The following SLC43A2 variants were observed in gnomAD, a reference collection of about 807,000 sequenced individuals.
The protein encoded by SLC43A2 is solute carrier family 43 member 2.
A neutral mutation model predicts 63.2 loss-of-function variants in SLC43A2; 38 were observed. The ratio of observed to expected loss-of-function variants is 0.60; its 90% CI spans 0.46 to 0.79. SLC43A2 has a LOEUF of 0.79. SLC43A2 is among the 30% of genes least tolerant of loss of function. SLC43A2 has a pLI of 0.00. For synonymous variants in SLC43A2, 322 were observed against 331.0 expected (o/e 0.97, Z 0.30); for missense variants, 644 against 756.2 (o/e 0.85, Z 1.74).
At chr17:1,612,058 A>G (rs1907155763) in intron 5 of SLC43A2, among the ~76,000 whole-genome samples, 1 of 152,020 alleles carries the variant, frequency 6.6e-6, no homozygotes, top group Non-Finnish European at 1.5e-5. Flanking sequence ...TCCGCCTCCC[A>G]GGTTCCAGCA....
chr17:1,628,163 T>G, intron 1 of SLC43A2: 2 of 291,804 alleles, frequency 6.9e-6, no homozygotes, highest in Admixed American at 5.3e-5. Flanking sequence ...GGGAGACGTC[T>G]CCCGCAGCTC....
chr17:1,575,183 C>G lies in SLC43A2; in HGVS notation c.*421G>C, dbSNP rs1444551709. 1.1e-5 allele frequency: 3 copies of G among 279,446 alleles called. No individual in the cohort carries two copies. In the Admixed American group the frequency reaches 1.5e-4, roughly 14 times the overall value. The allele number at this position is 279,446 out of a possible 1,614,324, so 17.3% of individuals were successfully genotyped here. On this transcript the variant is annotated 3_prime_UTR_variant, in exon 14 of 14. Transcript: ENST00000301335. ...CCAGGCGCGGGCGAGACAGTGCAAG[C>G]CTTTGTCCTCAGGCAGGTACGGCTG...
intron 2 of SLC43A2, among the ~76,000 whole-genome samples, chr17:1,622,865 G>A (rs1384001324): frequency 6.6e-6 from 1 of 152,136 alleles, no homozygotes; most frequent in East Asian, 1.9e-4. Context: ...GGTGAGCTGA[G>A]ATCATGCCAT....
chr17:1,594,616 C>T (rs1239759922), intron 5 of SLC43A2, among the ~76,000 whole-genome samples: 1 of 120,300 alleles, frequency 8.3e-6, no homozygotes, highest in Admixed American at 9.7e-5. Flanking sequence ...GAGACGGAGT[C>T]TCGCTCTTTC....
At chr17:1,616,166 A>AAACCAGT in intron 3 of SLC43A2, among the ~76,000 whole-genome samples, 1 of 152,096 alleles carries the variant, frequency 6.6e-6, no homozygotes, top group South Asian at 2.1e-4. Flanking sequence ...CGGGCTGTGG[A>AAACCAGT]AACCAGTGTT....
rs774196672 is a variant in SLC43A2, at chr17:1,583,300, G to T, written c.1254C>A (p.Ile418=). ...CCCGCATGGCATTAGTGATCTTCTG[G>T]ATCTGCCGGTCCCGCTTCTTCTTTT... ...EKKKKKRDRQ[I]QKITNAMRAF... is the part of the protein sequence containing the mutation. The change falls in exon 11 of 14, where the codon ATC becomes ATA. Residue 418 remains isoleucine (I), a synonymous_variant. Transcript: ENST00000301335. The surrounding 1 kb of genome is among the most constrained non-coding windows in gnomAD (Gnocchi z 5.5). 6.2e-7 allele frequency: 1 copy of T among 1,614,170 alleles called. No individual in the cohort carries two copies. The highest frequency in any genetic ancestry group is 1.1e-5 in the South Asian group (1 of 91,084).
At chr17:1,581,855 G>A (rs1217984456) in intron 11 of SLC43A2, among the ~76,000 whole-genome samples, 1 of 151,532 alleles carries the variant, frequency 6.6e-6, no homozygotes, top group Non-Finnish European at 1.5e-5. Flanking sequence ...GCCCAGGCTG[G>A]AGTGCAGTGG....
In SLC43A2 at chr17:1,606,964, A is replaced by C. The variant is rs4790232; in HGVS notation, c.501+6231T>G. Among the ~76,000 whole-genome samples, 1 of 152,014 alleles carries C rather than the reference A, an allele frequency of 6.6e-6. No individual in the cohort carries two copies. Among genetic ancestry groups the C allele is most frequent in the Non-Finnish European group, 1.5e-5 (1 of 67,954 alleles). On this transcript the variant is annotated intron_variant, in intron 5 of 13. Transcript: ENST00000301335. This position sits in a 1 kb window ranked among gnomAD's most constrained non-coding sequence, Gnocchi z 4.7. ...CTCTTGGGCTCTGGAAGGATGGCTCATGGCCATCTCCTTCTGGACTACAAG... is the reference window on the plus strand; with the variant it reads ...CTCTTGGGCTCTGGAAGGATGGCTCCTGGCCATCTCCTTCTGGACTACAAG...
At chr17:1,614,938 TC>T (rs1907456528) in intron 4 of SLC43A2, 40 bp downstream of exon 4, 10 of 1,606,666 alleles carry the variant, frequency 6.2e-6, no homozygotes, top group East Asian at 2.2e-5. Context: ...GGGCACTCTC[TC>T]CCCGGTCCCT....
chr17:1,607,251 A>C (rs909564459), intron 5 of SLC43A2, among the ~76,000 whole-genome samples: 3 of 152,170 alleles, frequency 2.0e-5, no homozygotes, highest in African/African-American at 7.2e-5. Context: ...TTGTCCCCCA[A>C]ATTAGAACAC....
At chr17:1,595,738 C>A (rs1396335461) in intron 5 of SLC43A2, among the ~76,000 whole-genome samples, 1 of 152,078 alleles carries the variant, frequency 6.6e-6, no homozygotes, top group Non-Finnish European at 1.5e-5. Flanking sequence ...AGCCATCACG[C>A]CCGGCCTTTA....
chr17:1,602,556 A>G (rs981207423), intron 5 of SLC43A2, among the ~76,000 whole-genome samples: 3 of 151,638 alleles, frequency 2.0e-5, no homozygotes, highest in Admixed American at 1.3e-4. Flanking sequence ...TGAGGCAGAA[A>G]AATCGCTTGA....
rs141381341 is a variant in SLC43A2, at chr17:1,604,945, G to A, written c.501+8250C>T. 1.9e-4 allele frequency: 284 copies of A among 1,513,030 alleles called. 3 individuals carry two copies. In the East Asian group the frequency reaches 5.1e-3, roughly 27 times the overall value. 93.7% of individuals were successfully genotyped at this position (1,513,030 alleles called of 1,614,324 possible). A position where few individuals can be genotyped will look rare whatever the true frequency, so the allele number is the denominator to read the frequency against. ...CTGTTCGAAGCCGCGGTGCCGGAGT[G>A]AGGGCTGAGCGCTGAGCAGAGCGCC... is the stretch of plus-strand genomic sequence containing the variant. On this transcript the variant is annotated intron_variant, in intron 5 of 13. Transcript: ENST00000301335.
At chr17:1,624,773 C>T (rs1408663965) in intron 2 of SLC43A2, among the ~76,000 whole-genome samples, 1 of 151,262 alleles carries the variant, frequency 6.6e-6, no homozygotes, top group Non-Finnish European at 1.5e-5. Context: ...CACTTGTAGT[C>T]CCAGCTACTG....
Position 1,577,277 on chromosome 17 carries a change from G to A in SLC43A2, c.1425-557C>T, listed in dbSNP as rs1380845261. Among the ~76,000 whole-genome samples the A allele has an allele frequency of 1.3e-5, 2 of 152,240 alleles. No homozygotes were observed. The highest frequency in any genetic ancestry group is 2.4e-5 in the African/African-American group (1 of 41,458). ...GGGCCTGTGGGTGTCTGGCTGAGCC[G>A]AGTGGAAAGCGTGGTGCCAGCGGGG... On this transcript the variant is annotated intron_variant, in intron 12 of 13. Transcript: ENST00000301335. The surrounding 1 kb of genome is among the most constrained non-coding windows in gnomAD (Gnocchi z 4.9).
rs1384845230 is a variant in SLC43A2 at position 1,574,741 on chromosome 17, C to T, written c.*863G>A. ...GGTCAGTGGGGATAAGGGCTAACTC[C>T]TAGAGCCCACCCCGACCCCACACAC... On this transcript the variant is annotated 3_prime_UTR_variant, in exon 14 of 14. Coordinates refer to ENST00000301335, the MANE Select transcript of SLC43A2 (RefSeq NM_152346.3). The T allele has an allele frequency of 6.6e-6, 1 of 152,386 alleles. No homozygotes were observed. Among genetic ancestry groups the T allele is most frequent in the African/African-American group, 2.4e-5 (1 of 41,474 alleles). The allele number at this position is 152,386 out of a possible 1,614,324, so 9.4% of individuals were successfully genotyped here. A position where few individuals can be genotyped will look rare whatever the true frequency, so the allele number is the denominator to read the frequency against.
intron 8 of SLC43A2, 86 bp downstream of exon 8, chr17:1,591,183 C>A: frequency 1.3e-6 from 2 of 1,528,546 alleles, no homozygotes; most frequent in South Asian, 2.4e-5. Flanking sequence ...GGCCGCCTCC[C>A]CTTTTGGGGT....
chr17:1,605,206 C>T lies in SLC43A2; in HGVS notation c.501+7989G>A. On this transcript the variant is annotated intron_variant, in intron 5 of 13. Transcript: ENST00000301335. The surrounding 1 kb of genome is among the most constrained non-coding windows in gnomAD (Gnocchi z 4.9). ...CTGTTCACTCACTGCCTCCACGCAG[C>T]CTCAGTCACACAGGGAAGCCCGTGA... The T allele has an allele frequency of 5.3e-6, 6 of 1,130,728 alleles. No homozygotes were observed. Among genetic ancestry groups the T allele is most frequent in the Non-Finnish European group, 6.5e-6 (6 of 916,120 alleles). 70.0% of individuals were successfully genotyped at this position (1,130,728 alleles called of 1,614,324 possible).
chr17:1,614,976 C>CA lies in SLC43A2; in HGVS notation c.424+2dup. The CA allele has an allele frequency of 6.2e-7, 1 of 1,613,858 alleles. No individual in the cohort carries two copies. The highest frequency in any genetic ancestry group is 8.5e-7 in the Non-Finnish European group (1 of 1,179,904). On this transcript the variant is annotated splice_region_variant and intron_variant, in intron 4 of 13. Transcript: ENST00000301335. Reference sequence around the variant, plus strand: ...ACAGAAGATGGAGGGAGAGGACACTCACCGTTTGGTTTACTTGCTCCGTAC... The same window carrying CA: ...ACAGAAGATGGAGGGAGAGGACACTCAACCGTTTGGTTTACTTGCTCCGTAC...
Sources: allele counts gnomAD v4.1 joint callset (sites outside exome capture counted in the v4.1 genomes callset), GRCh38; gene constraint gnomAD v4.1.1; non-coding constraint Gnocchi (gnomAD v3.1); transcripts MANE v1.5; gene names NCBI Gene and HGNC (gene_info 2026-07-23, HGNC 2026-07-21).